Variants in LDLRAD4 observed in about 807,000 individuals in gnomAD.
The protein encoded by LDLRAD4 is low density lipoprotein receptor class A domain containing 4.
A neutral mutation model predicts 17.0 loss-of-function variants in LDLRAD4; 5 were observed. The ratio of observed to expected loss-of-function variants is 0.29; its 90% CI spans 0.15 to 0.62. LDLRAD4 has a LOEUF of 0.62. LDLRAD4 is among the 20% of genes least tolerant of loss of function. The pLI is 0.84. For missense variants in LDLRAD4, 340 were observed against 424.7 expected, an observed-to-expected ratio of 0.80 and a Z score of 1.75; for synonymous variants, 168 against 171.8, an observed-to-expected ratio of 0.98 and a Z score of 0.17.
intron 2 of LDLRAD4, among the ~76,000 whole-genome samples, chr18:13,394,820 T>G (rs1016852780): frequency 1.3e-5 from 2 of 152,246 alleles, no homozygotes; most frequent in Non-Finnish European, 2.9e-5. Flanking sequence ...TTTTGTTCAT[T>G]GTACATCTGA....
At chr18:13,462,607 G>C (rs965245239) in intron 3 of LDLRAD4, among the ~76,000 whole-genome samples, 1 of 152,150 alleles carries the variant, frequency 6.6e-6, no homozygotes, top group African/African-American at 2.4e-5. Context: ...TACAGAATTA[G>C]CATTTATCTT....
At chr18:13,626,854 G>A (rs780301679) in intron 4 of LDLRAD4, among the ~76,000 whole-genome samples, 7 of 152,210 alleles carry the variant, frequency 4.6e-5, no homozygotes, top group Non-Finnish European at 1.0e-4. Flanking sequence ...GATCCACAGT[G>A]CCCTGACATG....
intron 3 of LDLRAD4, among the ~76,000 whole-genome samples, chr18:13,586,343 G>C (rs375516178): frequency 1.4e-5 from 2 of 142,080 alleles, no homozygotes; most frequent in African/African-American, 5.3e-5. Context: ...GGAGGCGGAG[G>C]TTGCAGTGAG....
intron 2 of LDLRAD4, among the ~76,000 whole-genome samples, chr18:13,396,885 C>T (rs558209391): frequency 1.3e-5 from 2 of 152,292 alleles, no homozygotes; most frequent in Non-Finnish European, 1.5e-5. Context: ...AGAGGGCTGA[C>T]GGTACAGCTG....
intron 1 of LDLRAD4, among the ~76,000 whole-genome samples, chr18:13,337,726 G>C (rs1396154322): frequency 9.0e-6 from 1 of 111,324 alleles, no homozygotes. Context: ...GCAAAACCTT[G>C]TCTTTACAAA....
chr18:13,346,458 C>A (rs1483567524), intron 1 of LDLRAD4, among the ~76,000 whole-genome samples: 1 of 152,178 alleles, frequency 6.6e-6, no homozygotes, highest in Non-Finnish European at 1.5e-5. Flanking sequence ...GTTAAAATTT[C>A]TGTTCTTTTA....
intron 3 of LDLRAD4, among the ~76,000 whole-genome samples, chr18:13,610,305 T>C (rs145303966): frequency 0.016 from 394 of 24,334 alleles, 119 homozygotes; most frequent in Middle Eastern, 0.15. Context: ...TTTTTTTTTT[T>C]GAGACGGAGT....
intron 3 of LDLRAD4, chr18:13,515,224 T>A (rs1000314158): frequency 2.0e-5 from 3 of 152,244 alleles, no homozygotes; most frequent in African/African-American, 4.8e-5. Flanking sequence ...TTCTTCTGCC[T>A]GCCTCTGTTA....
At chr18:13,577,005 AC>A (rs1473480037) in intron 3 of LDLRAD4, among the ~76,000 whole-genome samples, 1 of 152,212 alleles carries the variant, frequency 6.6e-6, no homozygotes, top group Non-Finnish European at 1.5e-5. Context: ...AGGTGTCTTG[AC>A]CCAACACTTA....
chr18:13,368,291 C>T (rs2084216601), intron 1 of LDLRAD4, among the ~76,000 whole-genome samples: 2 of 152,008 alleles, frequency 1.3e-5, no homozygotes, highest in South Asian at 4.2e-4. Flanking sequence ...GAAGAAGGAA[C>T]AAGAGAGGAA....
intron 1 of LDLRAD4, among the ~76,000 whole-genome samples, chr18:13,233,290 T>G (rs1444878137): frequency 6.6e-6 from 1 of 152,198 alleles, no homozygotes; most frequent in Non-Finnish European, 1.5e-5. Flanking sequence ...AGCAAATGCA[T>G]TGGCTTGTTG....
At chr18:13,507,098 C>T (rs1235999814) in intron 3 of LDLRAD4, among the ~76,000 whole-genome samples, 3 of 152,164 alleles carry the variant, frequency 2.0e-5, no homozygotes, top group Non-Finnish European at 4.4e-5. Context: ...GTGATATTTT[C>T]AACTTCTTAT....
At chr18:13,602,204 G>A (rs551203745) in intron 3 of LDLRAD4, among the ~76,000 whole-genome samples, 3 of 152,242 alleles carry the variant, frequency 2.0e-5, no homozygotes, top group Non-Finnish European at 2.9e-5. Flanking sequence ...ACTTCCTATC[G>A]GGTATTATGC....
At chr18:13,505,719 G>A (rs1055601734) in intron 3 of LDLRAD4, among the ~76,000 whole-genome samples, 2 of 152,178 alleles carry the variant, frequency 1.3e-5, no homozygotes, top group Non-Finnish European at 2.9e-5. Context: ...TCGGGAGGCT[G>A]AGGGAGGAGA....
At chr18:13,642,082 A>T (rs2042620991) in intron 4 of LDLRAD4, 2 of 985,196 alleles carry the variant, frequency 2.0e-6, no homozygotes, top group African/African-American at 3.5e-5. Flanking sequence ...CTCCCGTCAC[A>T]GGCGGTCCCT....
At chr18:13,221,419 T>C (rs2041447601) in intron 1 of LDLRAD4, among the ~76,000 whole-genome samples, 2 of 152,208 alleles carry the variant, frequency 1.3e-5, no homozygotes, top group African/African-American at 4.8e-5. Context: ...TGAACTGTGT[T>C]AGTTTAGAAT....
At chr18:13,243,298 A>G (rs755293950) in intron 1 of LDLRAD4, among the ~76,000 whole-genome samples, 1 of 152,150 alleles carries the variant, frequency 6.6e-6, no homozygotes, top group African/African-American at 2.4e-5. Flanking sequence ...GCACGTCACT[A>G]ACTTCTGTAG....
chr18:13,433,904 T>A (rs942996927), intron 2 of LDLRAD4, among the ~76,000 whole-genome samples: 1 of 152,218 alleles, frequency 6.6e-6, no homozygotes, highest in African/African-American at 2.4e-5. Flanking sequence ...ACAACTAGAA[T>A]GACCTTCAGG....
At chr18:13,232,668 C>T (rs760275674) in intron 1 of LDLRAD4, among the ~76,000 whole-genome samples, 39 of 152,184 alleles carry the variant, frequency 2.6e-4, no homozygotes, top group Non-Finnish European at 4.8e-4. Flanking sequence ...CTGACTCTTC[C>T]GCTGTGGCTG....
Sources: allele counts gnomAD v4.1 joint callset (sites outside exome capture counted in the v4.1 genomes callset), GRCh38; gene constraint gnomAD v4.1.1; transcripts MANE v1.5; gene names NCBI Gene and HGNC (gene_info 2026-07-23, HGNC 2026-07-21).